Variants in CDK14 observed in about 807,000 individuals in gnomAD.
CDK14 encodes the protein cyclin dependent kinase 14.
In CDK14, 34 loss-of-function variants were observed where a neutral mutation model predicts 60.7. That is an observed-to-expected ratio of 0.56 (90% CI 0.43 to 0.75). The LOEUF is 0.75. Among genes scored for constraint, CDK14 ranks in the 30% least tolerant of loss-of-function variants. The pLI is 0.00. For missense variants in CDK14, 482 were observed against 564.1 expected (o/e 0.85, Z 1.47); for synonymous variants, 197 against 203.7 (o/e 0.97, Z 0.28).
At chr7:90,619,872 C>T (rs1201594262) in intron 2 of CDK14, among the ~76,000 whole-genome samples, 2 of 152,070 alleles carry the variant, frequency 1.3e-5, no homozygotes, top group African/African-American at 4.8e-5. Context: ...GGCCCAAGCC[C>T]GTAGTCCCAG....
intron 6 of CDK14, among the ~76,000 whole-genome samples, chr7:90,869,733 A>C (rs1425234753): frequency 1.3e-5 from 2 of 152,212 alleles, no homozygotes; most frequent in African/African-American, 2.4e-5. Context: ...TGTGGCCGAC[A>C]CACCTGTTGG....
At chr7:90,685,947 T>G (rs1801425892) in intron 2 of CDK14, among the ~76,000 whole-genome samples, 1 of 152,086 alleles carries the variant, frequency 6.6e-6, no homozygotes, top group Non-Finnish European at 1.5e-5. Flanking sequence ...TTGTTGATAT[T>G]TTGATTGTAC....
chr7:90,630,128 T>G (rs1303168587), intron 2 of CDK14, among the ~76,000 whole-genome samples: 1 of 151,980 alleles, frequency 6.6e-6, no homozygotes, highest in Non-Finnish European at 1.5e-5. Context: ...AAAACCCAAC[T>G]CCATTTAACA....
intron 5 of CDK14, among the ~76,000 whole-genome samples, chr7:90,843,213 A>G (rs1042056543): frequency 3.3e-5 from 5 of 152,130 alleles, no homozygotes; most frequent in African/African-American, 1.2e-4. Flanking sequence ...TCTAGCTTTA[A>G]TATTTTGGTT....
intron 2 of CDK14, chr7:90,710,251 G>A (rs1802011701): frequency 1.0e-6 from 1 of 985,092 alleles, no homozygotes; most frequent in Non-Finnish European, 1.2e-6. Context: ...TTTAACGACT[G>A]CTTCTTTGCC....
At chr7:90,704,248 C>T (rs961953356) in intron 2 of CDK14, among the ~76,000 whole-genome samples, 100 of 152,164 alleles carry the variant, frequency 6.6e-4, no homozygotes, top group African/African-American at 2.4e-3. Flanking sequence ...ATCTGAAGTT[C>T]CCTTGCTATA....
At chr7:90,650,486 G>T (rs965144252) in intron 2 of CDK14, among the ~76,000 whole-genome samples, 3 of 152,078 alleles carry the variant, frequency 2.0e-5, no homozygotes, top group African/African-American at 4.8e-5. Flanking sequence ...GTCAATTTTG[G>T]CTTTTGTTGC....
chr7:90,597,008 G>A (rs745315411), intron 1 of CDK14, among the ~76,000 whole-genome samples: 7 of 152,138 alleles, frequency 4.6e-5, no homozygotes, highest in Non-Finnish European at 5.9e-5. Context: ...GTGGGGGACG[G>A]GCGAGGGGAC....
intron 10 of CDK14, among the ~76,000 whole-genome samples, chr7:91,044,047 T>C (rs1456767712): frequency 1.3e-5 from 2 of 152,208 alleles, no homozygotes; most frequent in Non-Finnish European, 2.9e-5. Context: ...CTCTGTAAAA[T>C]ATTTGAGGAG....
chr7:91,069,951 C>G (rs1293584909), intron 11 of CDK14, among the ~76,000 whole-genome samples: 1 of 152,126 alleles, frequency 6.6e-6, no homozygotes, highest in Non-Finnish European at 1.5e-5. Flanking sequence ...TACACACCAC[C>G]ACACCTAGCT....
chr7:91,137,704 G>A (rs1469951468), intron 14 of CDK14, among the ~76,000 whole-genome samples: 1 of 146,766 alleles, frequency 6.8e-6, no homozygotes, highest in Non-Finnish European at 1.5e-5. Flanking sequence ...GTGTGTGTGT[G>A]TGTGTGTGTG....
chr7:90,901,823 C>T (rs138344329), intron 7 of CDK14, among the ~76,000 whole-genome samples: 1 of 151,946 alleles, frequency 6.6e-6, no homozygotes, highest in African/African-American at 2.4e-5. Context: ...GTCCTCTGAT[C>T]ATCTCTCCTT....
chr7:91,022,694 A>G (rs1796462305), intron 10 of CDK14, among the ~76,000 whole-genome samples: 1 of 152,216 alleles, frequency 6.6e-6, no homozygotes, highest in South Asian at 2.1e-4. Context: ...TTATGGGCAT[A>G]TACTTATAAT....
chr7:91,137,714 G>A (rs2888816), intron 14 of CDK14, among the ~76,000 whole-genome samples: 8,221 of 123,292 alleles, frequency 0.067, 660 homozygotes, highest in East Asian at 0.46. Flanking sequence ...GTGTGTGTGT[G>A]TATGTGTGTG....
chr7:91,001,007 C>T (rs1795820332), intron 10 of CDK14, among the ~76,000 whole-genome samples: 1 of 152,160 alleles, frequency 6.6e-6, no homozygotes, highest in Admixed American at 6.5e-5. Context: ...TACAGATCAG[C>T]AGGCAAAAAT....
At chr7:90,773,080 C>T (rs746985921) in intron 4 of CDK14, among the ~76,000 whole-genome samples, 1 of 152,050 alleles carries the variant, frequency 6.6e-6, no homozygotes, top group Non-Finnish European at 1.5e-5. Flanking sequence ...TTTATTTTGA[C>T]GTTTGTAAAG....
At chr7:90,715,167 A>G (rs1039146995) in intron 2 of CDK14, among the ~76,000 whole-genome samples, 1 of 152,016 alleles carries the variant, frequency 6.6e-6, no homozygotes, top group Non-Finnish European at 1.5e-5. Flanking sequence ...GACATGAAGG[A>G]AGAACTGGCC....
chr7:91,113,933 A>G (rs1186460916), intron 13 of CDK14, among the ~76,000 whole-genome samples: 1 of 152,040 alleles, frequency 6.6e-6, no homozygotes, highest in African/African-American at 2.4e-5. Context: ...CATTTCACGT[A>G]TTTCCAGCCC....
chr7:90,646,622 C>T (rs1800473580), intron 2 of CDK14, among the ~76,000 whole-genome samples: 1 of 152,096 alleles, frequency 6.6e-6, no homozygotes, highest in Non-Finnish European at 1.5e-5. Context: ...TGCTTCCAGA[C>T]ATTTTCTTTG....
Sources: gnomAD v4.1 joint callset for allele counts (sites outside exome capture counted in the v4.1 genomes callset) on GRCh38, gnomAD v4.1.1 for gene constraint, MANE v1.5 for transcripts, NCBI Gene and HGNC (gene_info 2026-07-23, HGNC 2026-07-21) for gene names.